The following NCOR1 variants were observed in gnomAD, a reference collection of about 807,000 sequenced individuals.
NCOR1 encodes protein phosphatase 1, regulatory subunit 109.
NCOR1 carries 63 observed loss-of-function variants against 288.1 expected under a neutral mutation model. That is an observed-to-expected ratio of 0.22 (90% CI 0.18 to 0.27). The LOEUF (loss-of-function observed/expected upper bound fraction) is 0.27. NCOR1 is among the 10% of genes least tolerant of loss of function. The pLI is 1.00. For missense variants in NCOR1, 2,397 were observed against 3,019.2 expected (o/e 0.79, Z 4.83); for synonymous variants, 1,007 against 1,065.9 (o/e 0.94, Z 1.08).
intron 3 of NCOR1, among the ~76,000 whole-genome samples, chr17:16,181,059 T>C (rs574797067): frequency 2.1e-3 from 323 of 152,168 alleles, no homozygotes; most frequent in African/African-American, 7.1e-3. Context: ...CTCCAGAGGC[T>C]GAGGCAGGAG....
intron 19 of NCOR1, among the ~76,000 whole-genome samples, chr17:16,107,832 A>G (rs2069103044): frequency 6.6e-6 from 1 of 152,160 alleles, no homozygotes; most frequent in African/African-American, 2.4e-5. Flanking sequence ...AACCCTCCCA[A>G]AAACAAGTTT....
intron 38 of NCOR1, 122 bp from the exon 39 acceptor site, chr17:16,058,186 ACTTAT>A (rs749234761): frequency 8.8e-7 from 1 of 1,137,840 alleles, no homozygotes; most frequent in Non-Finnish European, 1.2e-6. Context: ...CAAACAAAGA[ACTTAT>A]CTTAATTTTG....
At chr17:16,157,260 C>T (rs2079967478) in intron 6 of NCOR1, among the ~76,000 whole-genome samples, 1 of 152,168 alleles carries the variant, frequency 6.6e-6, no homozygotes, top group Non-Finnish European at 1.5e-5. Context: ...CCTTCCTTTA[C>T]TGGATTTATC....
chr17:16,057,651 A>C lies in NCOR1; in HGVS notation c.6255T>G (p.Pro2085=). The C allele has an allele frequency of 1.2e-6, 2 of 1,613,912 alleles. No individual in the cohort carries two copies. Among genetic ancestry groups the C allele is most frequent in the East Asian group, 4.5e-5 (2 of 44,860 alleles). ...TCACAGGTGTAGATACCAAAGCAGA[A>C]GGTGAGTTCTGGAATGTAGAAGTAG... ...QPPTSTFQNS[P]SALVSTPVRT... The change falls in exon 40 of 46, where the codon CCT becomes CCG. Residue 2085 remains proline, a synonymous_variant. Transcript: ENST00000268712.
intron 10 of NCOR1, 26 bp downstream of exon 10, chr17:16,146,350 C>T (rs2078004712): frequency 1.3e-6 from 2 of 1,549,928 alleles, no homozygotes; most frequent in Admixed American, 2.1e-5. Flanking sequence ...AAAAATATCA[C>T]AGTCATTAAA....
chr17:16,140,997 C>CAAAAAA (rs372397821), intron 11 of NCOR1, among the ~76,000 whole-genome samples: 2 of 113,700 alleles, frequency 1.8e-5, no homozygotes, highest in African/African-American at 6.7e-5. Context: ...TCTCCTATCT[C>CAAAAAA]AAAAAAAAAA....
At chr17:16,176,549 G>T (rs1265958315) in intron 3 of NCOR1, among the ~76,000 whole-genome samples, 1 of 150,580 alleles carries the variant, frequency 6.6e-6, no homozygotes, top group Admixed American at 6.6e-5. Context: ...GACTGCAGGT[G>T]TGAGCCACCA....
At chr17:16,191,404 C>A (rs2088249400) in intron 2 of NCOR1, among the ~76,000 whole-genome samples, 1 of 152,154 alleles carries the variant, frequency 6.6e-6, no homozygotes. Context: ...GACTTCATCT[C>A]TCTTTACAGG....
chr17:16,063,996 G>C, intron 35 of NCOR1, 72 bp downstream of exon 35: 1 of 1,451,392 alleles, frequency 6.9e-7, no homozygotes, highest in South Asian at 1.5e-5. Context: ...CTTTTTGTGC[G>C]CAGCATTAAG....
chr17:16,057,552 C>A lies in NCOR1; in HGVS notation c.6354G>T (p.Arg2118Ser), dbSNP rs2060079006. 5 of 1,613,850 alleles carry A rather than the reference C, an allele frequency of 3.1e-6. No homozygotes were observed. The highest frequency in any genetic ancestry group is 4.2e-6 in the Non-Finnish European group (5 of 1,180,004). The change falls in exon 40 of 46, where the codon AGG becomes AGT. Residue 2118 changes from arginine (R) to serine (S), a missense_variant. Coordinates refer to ENST00000268712, the MANE Select transcript of NCOR1 (RefSeq NM_006311.4). ...QSVHHQRPGS[R>S]VSPENLVDKS... ...TGTCCACAAGATTTTCTGGAGAGAC[C>A]CTTGAACCTGGTCTTTGATGATGGA...
chr17:16,064,028 G>C lies in NCOR1; in HGVS notation c.5221+40C>G, dbSNP rs758142259. 17 of 1,609,200 alleles carry C rather than the reference G, an allele frequency of 1.1e-5. No individual in the cohort carries two copies. The East Asian group carries it at 3.3e-4, about 32-fold the overall frequency. On this transcript the variant is annotated intron_variant, in intron 35 of 45. Transcript: ENST00000268712. ...TAAGCACAGTGTACAAGATTACTAA[G>C]ATGTGTCCAGAGAATGGAAGAGCAG...
chr17:16,206,952 G>T (rs2091581572), intron 1 of NCOR1, among the ~76,000 whole-genome samples: 1 of 152,012 alleles, frequency 6.6e-6, no homozygotes, highest in Non-Finnish European at 1.5e-5. Context: ...TGAAAGATAA[G>T]ATTTTAAAAT....
At position 16,039,415 on chromosome 17, in the gene NCOR1, C is replaced by T; in HGVS notation, c.6955+18G>A. The stretch of plus-strand genomic sequence containing the variant: ...TTTGGGGAAAAGCAGCAGAAAAGCA[C>T]TAAAATGAAAGCTGTACCTGAATGA... On this transcript the variant is annotated intron_variant, in intron 44 of 45. Transcript: ENST00000268712. The T allele has an allele frequency of 1.2e-6, 2 of 1,607,110 alleles. No homozygotes were observed. The highest frequency in any genetic ancestry group is 1.7e-6 in the Non-Finnish European group (2 of 1,175,202).
At chr17:16,206,572 G>T (rs1225372147) in intron 1 of NCOR1, among the ~76,000 whole-genome samples, 1 of 152,112 alleles carries the variant, frequency 6.6e-6, no homozygotes, top group Non-Finnish European at 1.5e-5. Context: ...TTTTAGTAGA[G>T]ATAGGGTTTC....
rs1476229391 is a variant in NCOR1, at chr17:16,029,223, C to T, written c.*3073G>A. The T allele has an allele frequency of 2.6e-5, 12 of 453,722 alleles. No homozygotes were observed. The highest frequency in any genetic ancestry group is 6.9e-5 in the East Asian group (1 of 14,402). The allele number at this position is 453,722 out of a possible 1,614,324, so 28.1% of individuals were successfully genotyped here. A position where few individuals can be genotyped will look rare whatever the true frequency, so the allele number is the denominator to read the frequency against. On this transcript the variant is annotated 3_prime_UTR_variant, in exon 46 of 46. Coordinates refer to ENST00000268712, the MANE Select transcript of NCOR1 (RefSeq NM_006311.4). ...TCCACAGTGACTCAGCTCATGGTCT[C>T]GTTGTTGGAAACACTAGGAGTTTTC... is the stretch of plus-strand genomic sequence containing the variant.
chr17:16,053,535 T>G (rs1049202036), intron 40 of NCOR1, among the ~76,000 whole-genome samples: 1 of 151,838 alleles, frequency 6.6e-6, no homozygotes, highest in African/African-American at 2.4e-5. Flanking sequence ...CTCAAAGAGA[T>G]AAAAGATGAA....
At chr17:16,117,203 C>T (rs892091329) in intron 18 of NCOR1, among the ~76,000 whole-genome samples, 1 of 152,112 alleles carries the variant, frequency 6.6e-6, no homozygotes, top group Non-Finnish European at 1.5e-5. Context: ...TATCAACAGA[C>T]CTCCAACTAA....
At chr17:16,088,206 A>C (rs1204760123) in intron 22 of NCOR1, among the ~76,000 whole-genome samples, 2 of 152,172 alleles carry the variant, frequency 1.3e-5, no homozygotes, top group African/African-American at 2.4e-5. Context: ...AAGAATAAAT[A>C]GAATTTTCAT....
intron 42 of NCOR1, chr17:16,044,888 GAAGA>G: frequency 4.2e-6 from 3 of 720,772 alleles, no homozygotes; most frequent in East Asian, 2.6e-5. Flanking sequence ...CTCCAGCTGA[GAAGA>G]AAGTGGAAGC....
Sources: allele counts gnomAD v4.1 joint callset (sites outside exome capture counted in the v4.1 genomes callset), GRCh38; gene constraint gnomAD v4.1.1; transcripts MANE v1.5; gene names NCBI Gene and HGNC (gene_info 2026-07-23, HGNC 2026-07-21).